The following CTNNA3 variants were observed in gnomAD, a reference collection of about 807,000 sequenced individuals.
The protein encoded by CTNNA3 is catenin alpha-3.
In CTNNA3, 76 loss-of-function variants were observed where a neutral mutation model predicts 95.7. That is an observed-to-expected ratio of 0.79 (90% CI 0.66 to 0.96). CTNNA3 has a LOEUF of 0.96. Among genes scored for constraint, CTNNA3 ranks in the 40% least tolerant of loss-of-function variants. The probability of loss-of-function intolerance (pLI) is 0.00; values close to 1 mark genes in which losing one functional copy is unlikely to be tolerated. For synonymous variants in CTNNA3, 431 were observed against 374.4 expected (o/e 1.15, Z -1.74); for missense variants, 1,191 against 1,089.8 (o/e 1.09, Z -1.31).
At chr10:66,056,794 T>C (rs905268994) in intron 15 of CTNNA3, among the ~76,000 whole-genome samples, 2 of 152,166 alleles carry the variant, frequency 1.3e-5, no homozygotes, top group South Asian at 4.1e-4. Flanking sequence ...TTCTAGGTTT[T>C]CCACTTTGTT....
At chr10:65,963,275 AAC>A (rs1303001023) in intron 17 of CTNNA3, among the ~76,000 whole-genome samples, 1 of 152,128 alleles carries the variant, frequency 6.6e-6, no homozygotes, top group African/African-American at 2.4e-5. Flanking sequence ...TATTCCACAA[AAC>A]ACACACCAAA....
At chr10:66,395,413 A>G (rs2092967819) in intron 11 of CTNNA3, among the ~76,000 whole-genome samples, 1 of 152,042 alleles carries the variant, frequency 6.6e-6, no homozygotes, top group Admixed American at 6.6e-5. Flanking sequence ...TTCCATGCCC[A>G]AATCGGTATC....
chr10:66,239,488 T>C (rs4514303), intron 13 of CTNNA3, among the ~76,000 whole-genome samples: 149,472 of 151,946 alleles, frequency 0.98, 73,551 homozygotes, highest in East Asian at 1. Flanking sequence ...TTTCAGAAAC[T>C]GTGTTGAAAA....
At chr10:67,697,131 T>C (rs1194772455), upstream of CTNNA3, among the ~76,000 whole-genome samples, 1 of 152,246 alleles carries the variant, frequency 6.6e-6, no homozygotes, top group Non-Finnish European at 1.5e-5. Flanking sequence ...GTTCATTTTA[T>C]ATGATTTTCA....
In CTNNA3 at chr10:67,727,763, TATATATA is replaced by T. The variant is rs1312879320; in HGVS notation, c.-2+35664_-2+35670del. Reference sequence around the variant, plus strand: ...GTCATAGCTTACTTATATTATATATTATATATAATATATAATATGTAAAATACATATA... The same window carrying T: ...GTCATAGCTTACTTATATTATATATTATATATAATATGTAAAATACATATA... On this transcript the variant is annotated intron_variant, in intron 1 of 17. Transcript: ENST00000684154. Among the ~76,000 whole-genome samples, 7 of 125,388 alleles carry T rather than the reference TATATATA, an allele frequency of 5.6e-5. No individual in the cohort carries two copies. The East Asian group carries it at 1.3e-3, about 23-fold the overall frequency. The allele number at this position is 125,388 out of a possible 152,430, so 82.3% of individuals were successfully genotyped here.
At chr10:67,364,927 A>G (rs1306771726) in intron 5 of CTNNA3, among the ~76,000 whole-genome samples, 1 of 152,194 alleles carries the variant, frequency 6.6e-6, no homozygotes, top group Non-Finnish European at 1.5e-5. Flanking sequence ...GACAATCCTA[A>G]GCAAAAAGAA....
At chr10:66,491,309 T>C (rs1169416541) in intron 11 of CTNNA3, among the ~76,000 whole-genome samples, 1 of 152,176 alleles carries the variant, frequency 6.6e-6, no homozygotes, top group African/African-American at 2.4e-5. Context: ...CAAACAAAGA[T>C]AGGTTATAAG....
intron 11 of CTNNA3, among the ~76,000 whole-genome samples, chr10:66,460,857 T>TC (rs1186803847): frequency 3.7e-4 from 56 of 152,330 alleles, no homozygotes; most frequent in African/African-American, 1.3e-3. Context: ...ATCTTTTTTT[T>TC]CTCTCAAGAA....
intron 11 of CTNNA3, among the ~76,000 whole-genome samples, chr10:66,482,816 G>T (rs753930545): frequency 6.6e-6 from 1 of 152,148 alleles, no homozygotes; most frequent in African/African-American, 2.4e-5. Context: ...ACACAGCTCA[G>T]TTGGGATTGT....
chr10:66,116,295 T>C, intron 13 of CTNNA3, among the ~76,000 whole-genome samples: 1 of 151,640 alleles, frequency 6.6e-6, no homozygotes, highest in East Asian at 1.9e-4. Flanking sequence ...TGGAGAATTG[T>C]TTTTTTTAAA....
intron 9 of CTNNA3, among the ~76,000 whole-genome samples, chr10:66,668,432 G>T (rs894486637): frequency 6.6e-6 from 1 of 150,442 alleles, no homozygotes; most frequent in Non-Finnish European, 1.5e-5. Context: ...ATGTGTGTGT[G>T]TGTGTGTGTG....
chr10:66,927,869 G>C lies in CTNNA3; in HGVS notation c.1048-152345C>G. The C allele has an allele frequency of 6.2e-7, 1 of 1,614,224 alleles. No homozygotes were observed. Among genetic ancestry groups the C allele is most frequent in the East Asian group, 2.2e-5 (1 of 44,886 alleles). On this transcript the variant is annotated intron_variant, in intron 7 of 17. Transcript: ENST00000433211. This position sits in a 1 kb window ranked among gnomAD's most constrained non-coding sequence, Gnocchi z 4.7. ...GCTGGGAATATATGGGAATGCAGCA[G>C]AAATATTTGCTCCCTTGTAAACTGG... is the stretch of plus-strand genomic sequence containing the variant.
intron 6 of CTNNA3, among the ~76,000 whole-genome samples, chr10:67,189,979 T>C (rs769137237): frequency 6.6e-6 from 1 of 152,284 alleles, no homozygotes; most frequent in African/African-American, 2.4e-5. Context: ...CAAATAGTGA[T>C]GTGGGGAATG....
intron 7 of CTNNA3, among the ~76,000 whole-genome samples, chr10:67,135,090 T>C (rs1289714098): frequency 6.6e-6 from 1 of 152,058 alleles, no homozygotes; most frequent in Non-Finnish European, 1.5e-5. Context: ...TGGAGAATTA[T>C]GGGAAGGGTT....
At chr10:67,161,336 A>G (rs1215325716) in intron 7 of CTNNA3, among the ~76,000 whole-genome samples, 1 of 151,916 alleles carries the variant, frequency 6.6e-6, no homozygotes, top group Admixed American at 6.6e-5. Flanking sequence ...AGCAAAAATT[A>G]AAACAGTCTT....
chr10:65,915,121 A>G lies in CTNNA3; in HGVS notation c.*5209T>C, dbSNP rs1013026599. ...CCTAGAACAGTGCCTGGAACATCAC[A>G]GTTGTTTAACAAATAGCTGTTAAAT... On this transcript the variant is annotated 3_prime_UTR_variant, in exon 18 of 18. Coordinates refer to ENST00000433211, the MANE Select transcript of CTNNA3 (RefSeq NM_013266.4). The G allele has an allele frequency of 8.5e-5, 13 of 152,150 alleles. No individual in the cohort carries two copies. The highest frequency in any genetic ancestry group is 1.6e-4 in the Non-Finnish European group (11 of 68,032). 9.4% of individuals were successfully genotyped at this position (152,150 alleles called of 1,614,324 possible). A position where few individuals can be genotyped will look rare whatever the true frequency, so the allele number is the denominator to read the frequency against.
At chr10:67,303,139 A>T (rs1349488980) in intron 5 of CTNNA3, among the ~76,000 whole-genome samples, 1 of 152,236 alleles carries the variant, frequency 6.6e-6, no homozygotes, top group Non-Finnish European at 1.5e-5. Flanking sequence ...ATAATGCAGT[A>T]ACCAAGTGCT....
At chr10:67,619,723 C>T (rs1403799166) in intron 2 of CTNNA3, among the ~76,000 whole-genome samples, 1 of 152,100 alleles carries the variant, frequency 6.6e-6, no homozygotes, top group Non-Finnish European at 1.5e-5. Context: ...AGATTAAAAG[C>T]TGTAATGGCT....
At chr10:67,224,479 A>G (rs1458100511) in intron 5 of CTNNA3, among the ~76,000 whole-genome samples, 1 of 152,240 alleles carries the variant, frequency 6.6e-6, no homozygotes, top group Non-Finnish European at 1.5e-5. Context: ...GAGGACCCAC[A>G]GACCCTTTGA....
Sources: gnomAD v4.1 joint callset for allele counts (sites outside exome capture counted in the v4.1 genomes callset) on GRCh38, gnomAD v4.1.1 for gene constraint, Gnocchi (gnomAD v3.1) non-coding constraint, MANE v1.5 for transcripts, NCBI Gene and HGNC (gene_info 2026-07-23, HGNC 2026-07-21) for gene names.